Variants in AGPAT2 observed in about 807,000 individuals in gnomAD.
AGPAT2 encodes 1-acyl-sn-glycerol-3-phosphate acyltransferase beta.
A neutral mutation model predicts 26.1 loss-of-function variants in AGPAT2; 18 were observed. The ratio of observed to expected loss-of-function variants is 0.69; its 90% CI spans 0.48 to 1.02. The LOEUF is 1.02. AGPAT2 is among the 50% of genes least tolerant of loss of function. AGPAT2 has a pLI of 0.00. For synonymous variants in AGPAT2, 200 were observed against 174.2 expected, an observed-to-expected ratio of 1.15 and a Z score of -1.16; for missense variants, 415 against 394.9, an observed-to-expected ratio of 1.05 and a Z score of -0.43.
chr9:136,685,735 G>C lies in AGPAT2; in HGVS notation c.182+1441C>G, dbSNP rs1007594295. Among the ~76,000 whole-genome samples the C allele has an allele frequency of 2.6e-5, 4 of 152,258 alleles. No homozygotes were observed. The East Asian group carries it at 7.7e-4, about 29-fold the overall frequency. ...GACTGGCCCCTCCTCAGCTGGGAAA[G>C]CCGCACCCTCGCCCCTACTCTGAAG... On this transcript the variant is annotated intron_variant, in intron 1 of 5. Coordinates refer to ENST00000371696, the MANE Select transcript of AGPAT2 (RefSeq NM_006412.4).
rs200288462 is a variant in AGPAT2, at chr9:136,673,857, G to A, written c.732C>T (p.Leu244=). 562 of 1,605,192 alleles carry A rather than the reference G, an allele frequency of 3.5e-4. 1 individual carries two copies. The highest frequency in any genetic ancestry group is 1.3e-3 in the Middle Eastern group (6 of 4,666). ...TCATGGCCCGGTGGCAGGTGTCCACGAGCGCAGGGACGTCCGCCGCAGTGA... is the reference window on the plus strand; with the variant it reads ...TCATGGCCCGGTGGCAGGTGTCCACAAGCGCAGGGACGTCCGCCGCAGTGA... ...SGLTAADVPA[L]VDTCHRAMRT... Residue 244 remains leucine, a synonymous_variant, in exon 6 of 6, where the codon CTC becomes CTT. Transcript: ENST00000371696.
intron 1 of AGPAT2, among the ~76,000 whole-genome samples, chr9:136,681,155 A>G (rs1016030330): frequency 2.8e-5 from 4 of 142,472 alleles, no homozygotes; most frequent in Non-Finnish European, 3.0e-5. Context: ...GTGCACTGAT[A>G]CTTCTCTCAG....
intron 1 of AGPAT2, among the ~76,000 whole-genome samples, chr9:136,684,342 C>G (rs940546733): frequency 9.2e-5 from 14 of 152,228 alleles, no homozygotes; most frequent in Non-Finnish European, 4.4e-5. Context: ...GCATCGGCCC[C>G]TGGTGAGGAA....
intron 1 of AGPAT2, among the ~76,000 whole-genome samples, chr9:136,678,392 C>A (rs530429778): frequency 6.6e-6 from 1 of 152,220 alleles, no homozygotes; most frequent in East Asian, 1.9e-4. Flanking sequence ...CAGCTCCGAG[C>A]GTCCCAACCT....
In AGPAT2 at chr9:136,677,146, A is replaced by G; in HGVS notation, c.317-10T>C. On this transcript the variant is annotated splice_polypyrimidine_tract_variant and intron_variant, in intron 2 of 5. Coordinates refer to ENST00000371696, the MANE Select transcript of AGPAT2 (RefSeq NM_006412.4). ...AGGACCTCCATGAGGCCTGGGAGAC[A>G]GAGAGACAGAGACAGAGAGAGAGGG... 6.2e-7 allele frequency: 1 copy of G among 1,612,558 alleles called. No homozygotes were observed. Among genetic ancestry groups the G allele is most frequent in the South Asian group, 1.1e-5 (1 of 91,050 alleles).
At position 136,673,735 on chromosome 9, in the gene AGPAT2, C is replaced by T. The variant is rs768871491; in HGVS notation, c.*17G>A. On this transcript the variant is annotated 3_prime_UTR_variant, in exon 6 of 6. Coordinates refer to ENST00000371696, the MANE Select transcript of AGPAT2 (RefSeq NM_006412.4). ...TTCCACCTGCCCTCCCCAGGTCATG[C>T]CCTGCCGTGGTCTGGGCTACTGGGC... is the stretch of plus-strand genomic sequence containing the variant. The T allele has an allele frequency of 6.4e-7, 1 of 1,561,360 alleles. No homozygotes were observed. The highest frequency in any genetic ancestry group is 8.7e-7 in the Non-Finnish European group (1 of 1,152,670).
At chr9:136,687,457 T>TGGGCGGGGCG, upstream of AGPAT2, 1 of 1,053,622 alleles carries the variant, frequency 9.5e-7, no homozygotes, top group African/African-American at 1.7e-5. Flanking sequence ...GCGGCGGGGC[T>TGGGCGGGGCG]GGGCGGGGCG....
At position 136,681,176 on chromosome 9, in the gene AGPAT2, C is replaced by G. The variant is rs1310091405; in HGVS notation, c.183-3620G>C. 3.3e-5 allele frequency among the ~76,000 whole-genome samples: 5 copies of G among 150,986 alleles called. No homozygotes were observed. The South Asian group carries it at 1.0e-3, about 31-fold the overall frequency. The stretch of plus-strand genomic sequence containing the variant: ...TGATACTTCTCTCAGCTGTGAAAGA[C>G]ACGGGGTACAAACCCCCGCCCAGCA... On this transcript the variant is annotated intron_variant, in intron 1 of 5. Transcript: ENST00000371696.
rs528513856 is a variant in AGPAT2 at position 136,673,786 on chromosome 9, G to A, written c.803C>T (p.Ala268Val). ...HISKTPQENG[A>V]TAGSGVQPAQ Reference sequence around the variant, plus strand: ...CGGCTGCACGCCAGACCCCGCAGTGGCCCCGTTCTCCTGGGGGGTCTTGGA... The same window carrying A: ...CGGCTGCACGCCAGACCCCGCAGTGACCCCGTTCTCCTGGGGGGTCTTGGA... Residue 268 changes from alanine (A) to valine (V), a missense_variant, in exon 6 of 6, where the codon GCC becomes GTC. Coordinates refer to ENST00000371696, the MANE Select transcript of AGPAT2 (RefSeq NM_006412.4). 104 of 1,603,786 alleles carry A rather than the reference G, an allele frequency of 6.5e-5. 2 individuals carry two copies. In the South Asian group the frequency reaches 1.1e-3, roughly 17 times the overall value.
intron 5 of AGPAT2, 32 bp downstream of exon 5, chr9:136,674,702 GC>G: frequency 7.2e-7 from 1 of 1,390,876 alleles, no homozygotes; most frequent in Non-Finnish European, 9.5e-7. Flanking sequence ...GTCAGGCGGG[GC>G]CTACACCCCG....
chr9:136,677,338 C>A, intron 2 of AGPAT2, 85 bp downstream of exon 2: 1 of 1,601,884 alleles, frequency 6.2e-7, no homozygotes, highest in South Asian at 1.1e-5. Context: ...GCCCTGTGTC[C>A]TCGTCCCCGG....
rs1458158655 is a variant in AGPAT2, at chr9:136,687,409, C to G, written c.-52G>C. 97 of 1,371,378 alleles carry G rather than the reference C, an allele frequency of 7.1e-5. No individual in the cohort carries two copies. The highest frequency in any genetic ancestry group is 8.9e-5 in the Non-Finnish European group (95 of 1,065,812). 85.0% of individuals were successfully genotyped at this position (1,371,378 alleles called of 1,614,324 possible). On this transcript the variant is annotated 5_prime_UTR_variant, in exon 1 of 6. Coordinates refer to ENST00000371696, the MANE Select transcript of AGPAT2 (RefSeq NM_006412.4). ...GCCAGCTCGCTCCCGCTCCCGCTCC[C>G]GCTTCTCCCCCGCGCGCTCAGGCCC...
chr9:136,676,761 C>T (rs1846095335), intron 3 of AGPAT2, 81 bp from the exon 4 acceptor site: 3 of 1,424,040 alleles, frequency 2.1e-6, no homozygotes, highest in Non-Finnish European at 3.0e-6. Context: ...CCTAAGAAGC[C>T]CCACTTCGCA....
chr9:136,680,089 G>A (rs1846140770), intron 1 of AGPAT2, among the ~76,000 whole-genome samples: 1 of 152,232 alleles, frequency 6.6e-6, no homozygotes, highest in African/African-American at 2.4e-5. Context: ...CATCTCCTGT[G>A]AAGGACATGT....
rs528170297 is a variant in AGPAT2 at position 136,682,111 on chromosome 9, C to G, written c.183-4555G>C. ...AGGCCACACAGCAGGGAAGCCAGAA[C>G]AGGCCTGAGCCCCCCTCGGAACCCT... On this transcript the variant is annotated intron_variant, in intron 1 of 5. Coordinates refer to ENST00000371696, the MANE Select transcript of AGPAT2 (RefSeq NM_006412.4). 2.7e-3 allele frequency among the ~76,000 whole-genome samples: 414 copies of G among 152,336 alleles called. 4 individuals carry two copies. The highest frequency in any genetic ancestry group is 9.5e-3 in the African/African-American group (394 of 41,562).
intron 1 of AGPAT2, among the ~76,000 whole-genome samples, chr9:136,678,224 G>A (rs914542763): frequency 1.3e-5 from 2 of 152,284 alleles, no homozygotes; most frequent in South Asian, 2.1e-4. Context: ...GCCAGGGTCT[G>A]GGCCACCTGA....
chr9:136,683,198 A>G (rs1050167616), intron 1 of AGPAT2, among the ~76,000 whole-genome samples: 12 of 152,122 alleles, frequency 7.9e-5, no homozygotes, highest in African/African-American at 2.9e-4. Context: ...AACCTGGGCA[A>G]CAGAGCGAGA....
chr9:136,675,123 C>T (rs927459133), intron 4 of AGPAT2, among the ~76,000 whole-genome samples: 4 of 152,150 alleles, frequency 2.6e-5, no homozygotes, highest in Admixed American at 6.5e-5. Context: ...GGGCCCTGTC[C>T]GGTTTAGGAG....
intron 2 of AGPAT2, 23 bp from the exon 3 acceptor site, chr9:136,677,159 C>CAGAG: frequency 6.2e-7 from 1 of 1,611,946 alleles, no homozygotes; most frequent in African/African-American, 1.3e-5. Flanking sequence ...GAGACAGAGA[C>CAGAG]AGAGAGAGAG....
Sources: gnomAD v4.1 joint callset for allele counts (sites outside exome capture counted in the v4.1 genomes callset) on GRCh38, gnomAD v4.1.1 for gene constraint, MANE v1.5 for transcripts, NCBI Gene and HGNC (gene_info 2026-07-23, HGNC 2026-07-21) for gene names.